Variants in C10orf90 observed in about 807,000 individuals in gnomAD.
The protein encoded by C10orf90 is chromosome 10 open reading frame 90.
A neutral mutation model predicts 62.5 loss-of-function variants in C10orf90; 56 were observed. The observed-to-expected ratio is 0.90, with a 90% CI of 0.72 to 1.12. C10orf90 has a LOEUF of 1.12. Ranked by LOEUF, C10orf90 falls within the 50% of genes most tolerant of loss-of-function variation. C10orf90 has a pLI of 0.00. For synonymous variants in C10orf90, 386 were observed against 340.4 expected (o/e 1.13, Z -1.47); for missense variants, 970 against 880.4 (o/e 1.10, Z -1.29).
intron 5 of C10orf90, among the ~76,000 whole-genome samples, chr10:126,462,942 T>C (rs1860081268): frequency 6.6e-6 from 1 of 152,168 alleles, no homozygotes; most frequent in Non-Finnish European, 1.5e-5. Flanking sequence ...ACTTAGAAGG[T>C]TTCCAGTCAT....
chr10:126,535,095 A>G (rs960490954), intron 2 of C10orf90, among the ~76,000 whole-genome samples: 1 of 152,086 alleles, frequency 6.6e-6, no homozygotes, highest in East Asian at 1.9e-4. Context: ...CACAATGTAA[A>G]CCCCTGGTAG....
intron 2 of C10orf90, among the ~76,000 whole-genome samples, chr10:126,519,451 C>G (rs184977261): frequency 2.0e-5 from 3 of 152,192 alleles, no homozygotes; most frequent in African/African-American, 7.2e-5. Flanking sequence ...TGCCCAGAGG[C>G]CTTCAGTCTG....
intron 2 of C10orf90, among the ~76,000 whole-genome samples, chr10:126,557,467 G>A (rs962304414): frequency 2.4e-5 from 3 of 123,758 alleles, no homozygotes; most frequent in Non-Finnish European, 3.3e-5. Context: ...GCGACAGAGC[G>A]AGACTCCATC....
At chr10:126,426,238 G>T in intron 8 of C10orf90, 148 bp from the exon 9 acceptor site, 1 of 682,248 alleles carries the variant, frequency 1.5e-6, no homozygotes, top group Non-Finnish European at 2.5e-6. Context: ...ATGCCAGGAC[G>T]AAGGGCTTTC....
In C10orf90 at chr10:126,508,158, T is replaced by TGAGAGAGAGAGAGAGA. The variant is rs57143666; in HGVS notation, c.406-3089_406-3074dup. Among the ~76,000 whole-genome samples the TGAGAGAGAGAGAGAGA allele has an allele frequency of 9.5e-4, 125 of 131,486 alleles. 1 individual carries two copies. The highest frequency in any genetic ancestry group is 1.3e-3 in the Non-Finnish European group (84 of 63,512). The allele number at this position is 131,486 out of a possible 152,430, so 86.3% of individuals were successfully genotyped here. A position where few individuals can be genotyped will look rare whatever the true frequency, so the allele number is the denominator to read the frequency against. On this transcript the variant is annotated intron_variant, in intron 3 of 9. Transcript: ENST00000488181. ...AAACCACCTAGAGTGAATGAGTGAG[T>TGAGAGAGAGAGAGAGA]GAGAGAGAGAGAGAGAGAGAGAGAG...
At chr10:126,511,772 G>A (rs990423263) in intron 3 of C10orf90, among the ~76,000 whole-genome samples, 5 of 152,000 alleles carry the variant, frequency 3.3e-5, no homozygotes, top group African/African-American at 1.2e-4. Flanking sequence ...GGAAAATAGA[G>A]GAAAATGTAC....
At chr10:126,643,900 A>G (rs1048895893) in intron 2 of C10orf90, among the ~76,000 whole-genome samples, 1 of 152,148 alleles carries the variant, frequency 6.6e-6, no homozygotes, top group Non-Finnish European at 1.5e-5. Context: ...CCGAGGCAGA[A>G]AGGCCGGCCA....
chr10:126,513,355 C>G (rs1044883045), intron 3 of C10orf90, among the ~76,000 whole-genome samples: 1 of 152,138 alleles, frequency 6.6e-6, no homozygotes, highest in Non-Finnish European at 1.5e-5. Context: ...CTGCATCAGT[C>G]GATTAGACAG....
intron 2 of C10orf90, among the ~76,000 whole-genome samples, chr10:126,640,946 G>A (rs1846047428): frequency 6.6e-6 from 1 of 152,212 alleles, no homozygotes; most frequent in South Asian, 2.1e-4. Context: ...CTTCTCCCAT[G>A]GGCAGGGAGA....
chr10:126,649,984 G>A (rs936558296), intron 1 of C10orf90, among the ~76,000 whole-genome samples: 3 of 151,422 alleles, frequency 2.0e-5, no homozygotes, highest in South Asian at 2.1e-4. Context: ...AGGGAGTGGG[G>A]AGGGAGGAAA....
intron 2 of C10orf90, among the ~76,000 whole-genome samples, chr10:126,530,611 G>C (rs1591073412): frequency 6.6e-6 from 1 of 152,098 alleles, no homozygotes; most frequent in East Asian, 1.9e-4. Context: ...GAACATGCCA[G>C]ATTCAGGTAG....
chr10:126,649,340 A>G (rs1403900123), intron 1 of C10orf90, among the ~76,000 whole-genome samples: 1 of 152,014 alleles, frequency 6.6e-6, no homozygotes, highest in Admixed American at 6.6e-5. Context: ...GAAGAGCCAC[A>G]CTTTCCATTG....
chr10:126,490,055 TTATATAA>T lies in C10orf90; in HGVS notation c.1534+13895_1534+13901del, dbSNP rs1209834946. 1.7e-3 allele frequency among the ~76,000 whole-genome samples: 165 copies of T among 95,152 alleles called. 1 individual carries two copies. Among genetic ancestry groups the T allele is most frequent in the African/African-American group, 4.8e-3 (127 of 26,350 alleles). 62.4% of individuals were successfully genotyped at this position (95,152 alleles called of 152,430 possible). A position where few individuals can be genotyped will look rare whatever the true frequency, so the allele number is the denominator to read the frequency against. On this transcript the variant is annotated intron_variant, in intron 4 of 9. Coordinates refer to ENST00000488181, the MANE Select transcript of C10orf90 (RefSeq NM_001350921.2). ...TATATAATATATATTATATATTATG[TTATATAA>T]TATATAATATATAATATAATAATAA...
intron 2 of C10orf90, among the ~76,000 whole-genome samples, chr10:126,515,520 T>C (rs531906184): frequency 1.3e-5 from 2 of 152,296 alleles, no homozygotes; most frequent in African/African-American, 2.4e-5. Flanking sequence ...TCACACACTA[T>C]ACACGTTTCT....
In C10orf90 at chr10:126,428,612, A is replaced by G. The variant is rs534743563; in HGVS notation, c.2252+1175T>C. On this transcript the variant is annotated intron_variant, in intron 8 of 9. Transcript: ENST00000488181. ...CCTCAGTTTCCTCTTCAGTAAAATG[A>G]TAGGGCAATACTCTCTGACTACTCA... Among the ~76,000 whole-genome samples the G allele has an allele frequency of 1.8e-4, 28 of 152,238 alleles. No individual in the cohort carries two copies. The South Asian group carries it at 5.4e-3, about 29-fold the overall frequency.
chr10:126,663,140 TC>T (rs750601564), intron 1 of C10orf90, among the ~76,000 whole-genome samples: 20 of 152,134 alleles, frequency 1.3e-4, no homozygotes, highest in Non-Finnish European at 2.5e-4. Flanking sequence ...ACACATGTGG[TC>T]CTCAGAACTG....
At position 126,464,789 on chromosome 10, in the gene C10orf90, T is replaced by A; in HGVS notation, c.1732A>T (p.Ile578Phe). The change falls in exon 5 of 10, where the codon ATC becomes TTC. Residue 578 changes from isoleucine to phenylalanine, a missense_variant. Coordinates refer to ENST00000488181, the MANE Select transcript of C10orf90 (RefSeq NM_001350921.2). ...RRHQSFLKPR[I>F]LFPGFLCPLQ... ...GGGCAAAGAAACCCAGGAAAAAGGA[T>A]TCTGGGTTTCAGGAAGCTTTGATGT... 1 of 1,614,022 alleles carries A rather than the reference T, an allele frequency of 6.2e-7. No homozygotes were observed. Among genetic ancestry groups the A allele is most frequent in the Non-Finnish European group, 8.5e-7 (1 of 1,179,994 alleles).
At chr10:126,647,534 T>A (rs1429246636) in intron 1 of C10orf90, among the ~76,000 whole-genome samples, 3 of 152,258 alleles carry the variant, frequency 2.0e-5, no homozygotes, top group African/African-American at 7.2e-5. Context: ...ACTTCTTCCA[T>A]CCCAAGGAGA....
intron 2 of C10orf90, among the ~76,000 whole-genome samples, chr10:126,559,952 G>A (rs1295908637): frequency 6.6e-6 from 1 of 152,168 alleles, no homozygotes; most frequent in Admixed American, 6.5e-5. Flanking sequence ...GATAAATAAT[G>A]TGAAATTAGA....
Sources: gnomAD v4.1 joint callset for allele counts (sites outside exome capture counted in the v4.1 genomes callset) on GRCh38, gnomAD v4.1.1 for gene constraint, MANE v1.5 for transcripts, NCBI Gene and HGNC (gene_info 2026-07-23, HGNC 2026-07-21) for gene names.